DNAAF11: variants seen among roughly 807,000 people sequenced by gnomAD.
The protein encoded by DNAAF11 is leucine rich repeat containing 6.
A neutral mutation model predicts 60.8 loss-of-function variants in DNAAF11; 45 were observed. The observed-to-expected ratio is 0.74, with a 90% CI of 0.58 to 0.95. DNAAF11 has a LOEUF of 0.95. DNAAF11 is among the 40% of genes least tolerant of loss of function. The pLI, the probability that DNAAF11 is intolerant of heterozygous loss-of-function variation, is 0.00. For synonymous variants in DNAAF11, 191 were observed against 183.5 expected (o/e 1.04, Z -0.33); for missense variants, 546 against 546.2 (o/e 1.00, Z 0.00).
At chr8:132,587,499 A>G (rs920924147) in intron 10 of DNAAF11, among the ~76,000 whole-genome samples, 3 of 152,158 alleles carry the variant, frequency 2.0e-5, no homozygotes, top group African/African-American at 7.2e-5. Context: ...CTATAGGTTC[A>G]GTGTTCCAAG....
At chr8:132,584,960 A>G (rs1815737446) in intron 10 of DNAAF11, among the ~76,000 whole-genome samples, 1 of 152,204 alleles carries the variant, frequency 6.6e-6, no homozygotes, top group African/African-American at 2.4e-5. Flanking sequence ...ACACTAAGCC[A>G]CATTCTCCTA....
chr8:132,637,193 A>G (rs1264518941), intron 4 of DNAAF11, among the ~76,000 whole-genome samples: 1 of 152,218 alleles, frequency 6.6e-6, no homozygotes, highest in Admixed American at 6.5e-5. Context: ...CAGAATTACC[A>G]GATTTTGTTA....
At chr8:132,657,326 A>C (rs1252323755) in intron 2 of DNAAF11, among the ~76,000 whole-genome samples, 1 of 152,196 alleles carries the variant, frequency 6.6e-6, no homozygotes, top group African/African-American at 2.4e-5. Flanking sequence ...GGAAGGATCT[A>C]TATTCCATGC....
chr8:132,695,733 G>A, the DNAAF11 span, among the ~76,000 whole-genome samples: 23 of 136,774 alleles, frequency 1.7e-4, no homozygotes, highest in East Asian at 5.3e-3. Flanking sequence ...TTCAAAGAAA[G>A]GCCCGGATGT....
chr8:132,634,253 C>T (rs1237771935), intron 4 of DNAAF11, among the ~76,000 whole-genome samples: 1 of 152,172 alleles, frequency 6.6e-6, no homozygotes, highest in Non-Finnish European at 1.5e-5. Flanking sequence ...AAAAACATAA[C>T]TAGTTACACA....
intron 3 of DNAAF11, among the ~76,000 whole-genome samples, chr8:132,655,744 GCAAAT>G (rs58664373): frequency 0.5 from 74,593 of 150,500 alleles, 20,803 homozygotes; most frequent in African/African-American, 0.79. Context: ...TAAGGTAAAC[GCAAAT>G]CAAATCAGAA....
At chr8:132,694,317 C>T in the DNAAF11 span, among the ~76,000 whole-genome samples, 1 of 152,126 alleles carries the variant, frequency 6.6e-6, no homozygotes, top group Non-Finnish European at 1.5e-5. Context: ...AAGGTAAGAT[C>T]ATCAGTGTGG....
chr8:132,633,067 G>A, intron 4 of DNAAF11, 104 bp from the exon 5 acceptor site: 3 of 657,954 alleles, frequency 4.6e-6, no homozygotes, highest in Non-Finnish European at 7.8e-6. Context: ...GATAGTGATA[G>A]AGAATTAAAA....
intron 10 of DNAAF11, among the ~76,000 whole-genome samples, chr8:132,585,223 G>C (rs922359159): frequency 2.0e-5 from 3 of 152,190 alleles, no homozygotes; most frequent in African/African-American, 7.2e-5. Flanking sequence ...CTAGATGGCA[G>C]TCCTTTTCCT....
chr8:132,584,548 G>C (rs1478227864), intron 10 of DNAAF11, among the ~76,000 whole-genome samples: 1 of 152,136 alleles, frequency 6.6e-6, no homozygotes, highest in African/African-American at 2.4e-5. Context: ...GACAGGGATT[G>C]CTAGCAGGAG....
chr8:132,683,050 A>C, the DNAAF11 span, among the ~76,000 whole-genome samples: 4 of 152,246 alleles, frequency 2.6e-5, no homozygotes, highest in Non-Finnish European at 5.9e-5. Flanking sequence ...CAAATTTTAA[A>C]AATGAGGTTT....
At chr8:132,670,413 A>G (rs547486563) in intron 1 of DNAAF11, among the ~76,000 whole-genome samples, 7 of 152,316 alleles carry the variant, frequency 4.6e-5, no homozygotes, top group African/African-American at 1.7e-4. Flanking sequence ...ACAAATTACA[A>G]AAGCTCACTC....
At chr8:132,623,842 C>T (rs1317252133) in intron 6 of DNAAF11, among the ~76,000 whole-genome samples, 1 of 152,122 alleles carries the variant, frequency 6.6e-6, no homozygotes, top group Non-Finnish European at 1.5e-5. Context: ...TGGCTTCACC[C>T]TACTCAGTGT....
intron 10 of DNAAF11, among the ~76,000 whole-genome samples, chr8:132,605,034 T>A (rs1321069631): frequency 6.6e-6 from 1 of 152,202 alleles, no homozygotes; most frequent in Non-Finnish European, 1.5e-5. Flanking sequence ...TATGCATTAC[T>A]AGCAATGAAT....
intron 11 of DNAAF11, among the ~76,000 whole-genome samples, chr8:132,581,365 T>A (rs1375494309): frequency 6.6e-6 from 1 of 152,036 alleles, no homozygotes; most frequent in Non-Finnish European, 1.5e-5. Context: ...AGAAGGCAAG[T>A]CTGGCTGGGT....
In DNAAF11 at chr8:132,606,858, A is replaced by G. The variant is rs146421864; in HGVS notation, c.1140+3308T>C. 8.9e-3 allele frequency among the ~76,000 whole-genome samples: 1,359 copies of G among 152,312 alleles called. 23 individuals carry two copies. The highest frequency in any genetic ancestry group is 0.031 in the African/African-American group (1,272 of 41,564). On this transcript the variant is annotated intron_variant, in intron 10 of 11. Coordinates refer to ENST00000620350, the MANE Select transcript of DNAAF11 (RefSeq NM_012472.6). Reference sequence around the variant, plus strand: ...CAGAATATGAGTATAAAGAAAGGAAATATTTTTGTATAGCTGTATAATGTA... The same window carrying G: ...CAGAATATGAGTATAAAGAAAGGAAGTATTTTTGTATAGCTGTATAATGTA...
chr8:132,654,612 G>C lies in DNAAF11; in HGVS notation c.256+2218C>G, dbSNP rs546894573. Reference sequence around the variant, plus strand: ...CTCAATGGAGTGAAACGAGAAATCAGTAAAATGAGAAAATGTGGGAAAGTC... The same window carrying C: ...CTCAATGGAGTGAAACGAGAAATCACTAAAATGAGAAAATGTGGGAAAGTC... On this transcript the variant is annotated intron_variant, in intron 3 of 11. Transcript: ENST00000620350. Among the ~76,000 whole-genome samples the C allele has an allele frequency of 1.1e-4, 17 of 150,900 alleles. No homozygotes were observed. The South Asian group carries it at 3.6e-3, about 32-fold the overall frequency.
chr8:132,700,688 T>C, the DNAAF11 span, among the ~76,000 whole-genome samples: 1 of 152,142 alleles, frequency 6.6e-6, no homozygotes, highest in South Asian at 2.1e-4. Flanking sequence ...AGGGAGATCC[T>C]GTCTGTAAAA....
At chr8:132,664,720 T>A (rs1824462060) in intron 1 of DNAAF11, among the ~76,000 whole-genome samples, 1 of 151,926 alleles carries the variant, frequency 6.6e-6, no homozygotes, top group Admixed American at 6.6e-5. Flanking sequence ...CCACCTTGGC[T>A]TCCCAAAGTA....
Sources: gnomAD v4.1 joint callset for allele counts (sites outside exome capture counted in the v4.1 genomes callset) on GRCh38, gnomAD v4.1.1 for gene constraint, MANE v1.5 for transcripts, NCBI Gene and HGNC (gene_info 2026-07-23, HGNC 2026-07-21) for gene names.